ME3: variants seen among roughly 807,000 people sequenced by gnomAD.
The protein encoded by ME3 is malic enzyme 3.
In ME3, 48 loss-of-function variants were observed where a neutral mutation model predicts 68.9. That is an observed-to-expected ratio of 0.70 (90% CI 0.55 to 0.89). The LOEUF is 0.89. Among genes scored for constraint, ME3 ranks in the 40% least tolerant of loss-of-function variants. The probability of loss-of-function intolerance (pLI) is 0.00; values close to 1 mark genes in which losing one functional copy is unlikely to be tolerated. For missense variants in ME3, 675 were observed against 797.4 expected, an observed-to-expected ratio of 0.85 and a Z score of 1.85; for synonymous variants, 320 against 318.8, an observed-to-expected ratio of 1.00 and a Z score of -0.04.
chr11:86,439,311 T>A (rs1029257982), downstream of ME3, among the ~76,000 whole-genome samples: 3 of 152,226 alleles, frequency 2.0e-5, no homozygotes, highest in Non-Finnish European at 2.9e-5. Context: ...GATATGATTT[T>A]AAAAATTCAG....
intron 4 of ME3, among the ~76,000 whole-genome samples, chr11:86,527,988 C>T (rs1002514735): frequency 6.6e-6 from 1 of 152,136 alleles, no homozygotes; most frequent in Non-Finnish European, 1.5e-5. Flanking sequence ...ATGACAAGAT[C>T]AAATTCACAC....
At chr11:86,581,952 ATCCTGCAACTCCTGAATTCTAG>A (rs1227159926) in intron 2 of ME3, among the ~76,000 whole-genome samples, 2 of 152,214 alleles carry the variant, frequency 1.3e-5, no homozygotes, top group Non-Finnish European at 2.9e-5. Context: ...TTAAACTAAA[ATCCTGCAACTCCTGAATTCTAG>A]TCTTCACTCC....
intron 5 of ME3, among the ~76,000 whole-genome samples, chr11:86,507,592 C>A (rs1467376898): frequency 6.6e-6 from 1 of 152,164 alleles, no homozygotes; most frequent in East Asian, 1.9e-4. Flanking sequence ...ATACCAGAAC[C>A]CCTCAAACTC....
At position 86,530,512 on chromosome 11, in the gene ME3, T is replaced by G. The variant is rs201400707; in HGVS notation, c.468-21645A>C. On this transcript the variant is annotated intron_variant, in intron 4 of 14. Coordinates refer to ENST00000543262, the Ensembl canonical transcript of ME3. The stretch of plus-strand genomic sequence containing the variant: ...GGAAAAAACTACTTTAAAGTTCATA[T>G]GGAACCAAAAAATAGCCTGCATTGC... Among the ~76,000 whole-genome samples, 6 of 152,186 alleles carry G rather than the reference T, an allele frequency of 3.9e-5. No individual in the cohort carries two copies. In the East Asian group the frequency reaches 1.2e-3, roughly 29 times the overall value.
intron 2 of ME3, among the ~76,000 whole-genome samples, chr11:86,659,351 A>G (rs769413538): frequency 6.6e-6 from 1 of 152,230 alleles, no homozygotes; most frequent in Non-Finnish European, 1.5e-5. Context: ...GCAAAGAGCT[A>G]CCTTTCAAAG....
chr11:86,438,169 T>A (rs1421528066), downstream of ME3, among the ~76,000 whole-genome samples: 1 of 152,236 alleles, frequency 6.6e-6, no homozygotes, highest in Admixed American at 6.5e-5. Flanking sequence ...CTACTTTGTT[T>A]AGGGTTTTTT....
intron 2 of ME3, among the ~76,000 whole-genome samples, chr11:86,611,986 G>A (rs1326738061): frequency 1.3e-5 from 2 of 152,088 alleles, no homozygotes; most frequent in Non-Finnish European, 1.5e-5. Context: ...TGCAGAACAT[G>A]CAGGTTTGTT....
At chr11:86,487,389 C>T (rs781575740) in exon 7 of ME3, 28 of 1,614,058 alleles carry the variant, frequency 1.7e-5, no homozygotes, top group Middle Eastern at 1.6e-4. Flanking sequence ...TATGCCTTCC[C>T]GTGCACGCGC....
chr11:86,672,219 C>G (rs947543113), intron 1 of ME3, 105 bp downstream of exon 1: 7 of 397,552 alleles, frequency 1.8e-5, no homozygotes, highest in African/African-American at 1.3e-4. Context: ...CCGGCGCCAC[C>G]CCTGCCCCCA....
At chr11:86,531,094 A>G (rs1052086769) in intron 4 of ME3, among the ~76,000 whole-genome samples, 19 of 152,310 alleles carry the variant, frequency 1.2e-4, no homozygotes, top group African/African-American at 3.6e-4. Context: ...TTTGCATTCT[A>G]CTCATCTGAC....
At chr11:86,557,915 A>G (rs1159066075) in intron 3 of ME3, among the ~76,000 whole-genome samples, 1 of 152,170 alleles carries the variant, frequency 6.6e-6, no homozygotes, top group East Asian at 1.9e-4. Context: ...ACAGATAACC[A>G]GTTATTAAAG....
chr11:86,588,403 C>T (rs1565176751), intron 2 of ME3, among the ~76,000 whole-genome samples: 1 of 152,202 alleles, frequency 6.6e-6, no homozygotes, highest in Non-Finnish European at 1.5e-5. Context: ...CTGGGGCTCT[C>T]ACACTGTAAG....
rs1057215842 is a variant in ME3, at chr11:86,637,638, C to A, written c.183+34124G>T. Among the ~76,000 whole-genome samples the A allele has an allele frequency of 8.5e-5, 13 of 152,050 alleles. 1 individual carries two copies. The highest frequency in any genetic ancestry group is 3.1e-4 in the African/African-American group (13 of 41,390). On this transcript the variant is annotated intron_variant, in intron 2 of 14. Transcript: ENST00000543262. ...GATGAGGCTCGATTGAGACACCCCT[C>A]GAGAAGGGCCTTGTGCGTTGTGCTA...
intron 6 of ME3, among the ~76,000 whole-genome samples, chr11:86,491,131 A>G (rs1951984711): frequency 1.3e-5 from 2 of 152,352 alleles, no homozygotes; most frequent in South Asian, 4.1e-4. Flanking sequence ...TTATGTTTGT[A>G]TAGAGCTTTC....
At chr11:86,637,299 C>G (rs1249205412) in intron 2 of ME3, among the ~76,000 whole-genome samples, 1 of 141,910 alleles carries the variant, frequency 7.0e-6, no homozygotes, top group Non-Finnish European at 1.5e-5. Context: ...TTGGGAGATC[C>G]TATTATAGTA....
intron 2 of ME3, among the ~76,000 whole-genome samples, chr11:86,599,328 A>G (rs574904363): frequency 2.0e-5 from 3 of 152,352 alleles, no homozygotes; most frequent in South Asian, 2.1e-4. Flanking sequence ...AGCCGATGCA[A>G]TCAACTGGAA....
At chr11:86,669,110 C>T (rs1423505196) in intron 2 of ME3, among the ~76,000 whole-genome samples, 1 of 152,204 alleles carries the variant, frequency 6.6e-6, no homozygotes, top group Non-Finnish European at 1.5e-5. Flanking sequence ...TGGAGGACAA[C>T]AGAACAGCCA....
At chr11:86,597,847 A>T (rs533335564) in intron 2 of ME3, among the ~76,000 whole-genome samples, 1 of 152,082 alleles carries the variant, frequency 6.6e-6, no homozygotes, top group Non-Finnish European at 1.5e-5. Context: ...TTTAAGATAC[A>T]TTAACCTTAA....
At chr11:86,556,022 A>G (rs1271350913) in intron 4 of ME3, among the ~76,000 whole-genome samples, 1 of 152,228 alleles carries the variant, frequency 6.6e-6, no homozygotes, top group Non-Finnish European at 1.5e-5. Flanking sequence ...ATTGCTTTAG[A>G]AAACTCCTCA....
Sources: gnomAD v4.1 joint callset for allele counts (sites outside exome capture counted in the v4.1 genomes callset) on GRCh38, gnomAD v4.1.1 for gene constraint, MANE v1.5 for transcripts, NCBI Gene and HGNC (gene_info 2026-07-23, HGNC 2026-07-21) for gene names.